Variants in WWOX observed in about 807,000 individuals in gnomAD.
WWOX encodes WW domain containing oxidoreductase, also known as WW domain-containing oxidoreductase.
WWOX carries 69 observed loss-of-function variants against 46.2 expected under a neutral mutation model. The observed-to-expected ratio is 1.49, with a 90% CI of 1.23 to 1.82. The LOEUF is 1.82. WWOX is among the 40% of genes most tolerant of loss of function. The pLI, the probability that WWOX is intolerant of heterozygous loss-of-function variation, is 0.00. For missense variants in WWOX, 919 were observed against 542.6 expected, an observed-to-expected ratio of 1.69 and a Z score of -6.89; for synonymous variants, 359 against 202.6, an observed-to-expected ratio of 1.77 and a Z score of -6.56.
At chr16:78,803,902 C>A (rs574257667) in intron 8 of WWOX, among the ~76,000 whole-genome samples, 87 of 152,220 alleles carry the variant, frequency 5.7e-4, no homozygotes, top group Non-Finnish European at 1.0e-3. Flanking sequence ...CATCACCAGA[C>A]AAACAGGTGT....
At chr16:78,888,479 C>G (rs547891059) in intron 8 of WWOX, among the ~76,000 whole-genome samples, 1 of 152,270 alleles carries the variant, frequency 6.6e-6, no homozygotes, top group East Asian at 1.9e-4. Context: ...GTGCTATTAG[C>G]TGGTGCTAAC....
chr16:78,375,813 A>G (rs1454462013), intron 5 of WWOX, among the ~76,000 whole-genome samples: 1 of 152,176 alleles, frequency 6.6e-6, no homozygotes, highest in Non-Finnish European at 1.5e-5. Flanking sequence ...AACAACATAA[A>G]ATAATATTAC....
Position 78,728,470 on chromosome 16 carries a change from C to T in WWOX, c.1056+295718C>T, listed in dbSNP as rs561972553. On this transcript the variant is annotated intron_variant, in intron 8 of 8. Transcript: ENST00000566780. The stretch of plus-strand genomic sequence containing the variant: ...CTCCAGTGCTTGGTTCCCTAGAAGA[C>T]AGCCAGATTCTCACTTCTTTTCCTG... Among the ~76,000 whole-genome samples the T allele has an allele frequency of 6.6e-4, 100 of 152,314 alleles. 2 individuals carry two copies. In the South Asian group the frequency reaches 0.015, roughly 23 times the overall value.
chr16:78,222,990 A>G (rs2036940482), intron 5 of WWOX, among the ~76,000 whole-genome samples: 2 of 152,102 alleles, frequency 1.3e-5, no homozygotes, highest in Non-Finnish European at 2.9e-5. Context: ...GCAGGGAGGG[A>G]CGCACTCCCT....
rs556158492 is a variant in WWOX, at chr16:78,515,766, T to C, written c.1056+83014T>C. 2.6e-5 allele frequency among the ~76,000 whole-genome samples: 4 copies of C among 152,320 alleles called. No homozygotes were observed. In the South Asian group the frequency reaches 6.2e-4, roughly 24 times the overall value. On this transcript the variant is annotated intron_variant, in intron 8 of 8. Coordinates refer to ENST00000566780, the MANE Select transcript of WWOX (RefSeq NM_016373.4). The stretch of plus-strand genomic sequence containing the variant: ...TCAGCACTTCTGCAACAGTTTCTTC[T>C]GCAAAGGTAACTTAGCGGAGGGTAC...
intron 8 of WWOX, chr16:78,891,009 A>T (rs2044577918): frequency 2.0e-5 from 3 of 152,186 alleles, no homozygotes; most frequent in Admixed American, 1.3e-4. Context: ...TTTTTAGTAA[A>T]TCACAGGTTG....
At chr16:78,620,261 G>T (rs893342436) in intron 8 of WWOX, among the ~76,000 whole-genome samples, 1 of 152,226 alleles carries the variant, frequency 6.6e-6, no homozygotes, top group African/African-American at 2.4e-5. Context: ...AGGGCTGTTT[G>T]TTAAGGTACA....
intron 8 of WWOX, among the ~76,000 whole-genome samples, chr16:78,710,124 C>G (rs1218823285): frequency 6.6e-6 from 1 of 152,064 alleles, no homozygotes; most frequent in Non-Finnish European, 1.5e-5. Context: ...CATACTCCTA[C>G]AGGGATGTCT....
At chr16:78,704,832 G>A (rs2048297805) in intron 8 of WWOX, among the ~76,000 whole-genome samples, 1 of 151,808 alleles carries the variant, frequency 6.6e-6, no homozygotes, top group Admixed American at 6.6e-5. Flanking sequence ...AGCAGTTTCA[G>A]AGCATTGACA....
At chr16:79,047,358 T>C (rs943128943) in intron 8 of WWOX, among the ~76,000 whole-genome samples, 2 of 152,236 alleles carry the variant, frequency 1.3e-5, no homozygotes, top group Non-Finnish European at 1.5e-5. Context: ...GTGGTTTTGC[T>C]AATGAATTTG....
intron 6 of WWOX, among the ~76,000 whole-genome samples, chr16:78,420,735 C>T (rs927341160): frequency 1.3e-5 from 2 of 148,326 alleles, no homozygotes; most frequent in East Asian, 4.0e-4. Context: ...TATACTAAAA[C>T]AGCTGTACAG....
intron 5 of WWOX, among the ~76,000 whole-genome samples, chr16:78,296,096 C>G (rs1172943587): frequency 6.6e-6 from 1 of 152,202 alleles, no homozygotes. Flanking sequence ...TTAAAACTAG[C>G]TCTTCGAAGT....
At chr16:78,238,453 C>T (rs1421852008) in intron 5 of WWOX, among the ~76,000 whole-genome samples, 1 of 152,070 alleles carries the variant, frequency 6.6e-6, no homozygotes. Context: ...GCATGTGCCA[C>T]CATACCCAGC....
intron 8 of WWOX, among the ~76,000 whole-genome samples, chr16:78,961,516 G>C (rs968513129): frequency 6.6e-6 from 1 of 152,012 alleles, no homozygotes; most frequent in Non-Finnish European, 1.5e-5. Flanking sequence ...TGTGTGGAAT[G>C]GTGGGTGGTA....
chr16:78,786,682 A>G (rs543017760), intron 8 of WWOX, among the ~76,000 whole-genome samples: 12 of 152,328 alleles, frequency 7.9e-5, no homozygotes, highest in African/African-American at 2.4e-4. Flanking sequence ...CCGTAAAAGT[A>G]ACTCTGTGCC....
chr16:79,086,304 T>G (rs2048852917), intron 8 of WWOX, among the ~76,000 whole-genome samples: 1 of 152,360 alleles, frequency 6.6e-6, no homozygotes, highest in African/African-American at 2.4e-5. Context: ...TTATTACAAA[T>G]TATTACTGTT....
chr16:78,799,969 A>G (rs2050843320), intron 8 of WWOX, among the ~76,000 whole-genome samples: 2 of 152,180 alleles, frequency 1.3e-5, no homozygotes, highest in Non-Finnish European at 1.5e-5. Flanking sequence ...CGCGTCTGGC[A>G]TTGCAGGTCT....
chr16:78,134,855 G>C (rs1029243435), intron 4 of WWOX, among the ~76,000 whole-genome samples: 3 of 152,132 alleles, frequency 2.0e-5, no homozygotes, highest in African/African-American at 7.2e-5. Flanking sequence ...GAGGATATTG[G>C]TAATATTGTC....
At chr16:78,328,416 G>C (rs933598542) in intron 5 of WWOX, among the ~76,000 whole-genome samples, 5 of 152,166 alleles carry the variant, frequency 3.3e-5, no homozygotes, top group African/African-American at 1.2e-4. Context: ...TTGGATTTTA[G>C]ATGAAGAATC....
Sources: allele counts gnomAD v4.1 joint callset (sites outside exome capture counted in the v4.1 genomes callset), GRCh38; gene constraint gnomAD v4.1.1; transcripts MANE v1.5; gene names NCBI Gene and HGNC (gene_info 2026-07-23, HGNC 2026-07-21).